The following CD99L2 variants were observed in gnomAD, a reference collection of about 807,000 sequenced individuals.
CD99L2 encodes CD99 antigen-like protein 2.
In CD99L2, 24 loss-of-function variants were observed where a neutral mutation model predicts 27.3. The ratio of observed to expected loss-of-function variants is 0.88; its 90% CI spans 0.64 to 1.24. The LOEUF (loss-of-function observed/expected upper bound fraction) is 1.24, where lower values mean the gene tolerates loss of function less well. Ranked by LOEUF, CD99L2 falls within the 50% of genes most tolerant of loss-of-function variation. The pLI is 0.00. For synonymous variants in CD99L2, 97 were observed against 87.9 expected (o/e 1.10, Z -0.58); for missense variants, 255 against 221.6 (o/e 1.15, Z -0.96).
rs144003017 is a variant in CD99L2 at position 150,890,913 on chromosome X, C to A, written c.67+7609G>T. ...TGCTCCAAAGCAGAAGTGCAGGCTC[C>A]CATCCCCTTGTAAAGCAGTTTGGAA... On this transcript the variant is annotated intron_variant, in intron 1 of 10. Coordinates refer to ENST00000370377, the MANE Select transcript of CD99L2 (RefSeq NM_031462.4). 7.6e-3 allele frequency among the ~76,000 whole-genome samples: 865 copies of A among 113,085 alleles called. 7 individuals are homozygous for A. The highest frequency in any genetic ancestry group is 0.026 in the African/African-American group (818 of 31,235).
Position 150,877,959 on chromosome X carries a change from T to TACACACACACACAC in CD99L2, c.67+20549_67+20562dup, listed in dbSNP as rs72172934. On this transcript the variant is annotated intron_variant, in intron 1 of 10. Transcript: ENST00000370377. ...AGAGTAAGACCTTATCTCAAACACATACACACACACACACACACACACACA... is the reference window on the plus strand; with the variant it reads ...AGAGTAAGACCTTATCTCAAACACATACACACACACACACACACACACACACACACACACACACA... Among the ~76,000 whole-genome samples, 103 of 83,070 alleles carry TACACACACACACAC rather than the reference T, an allele frequency of 1.2e-3. 4 individuals carry two copies. Among genetic ancestry groups the TACACACACACACAC allele is most frequent in the African/African-American group, 4.4e-3 (94 of 21,278 alleles). 72.1% of individuals were successfully genotyped at this position (83,070 alleles called of 115,157 possible). A position where few individuals can be genotyped will look rare whatever the true frequency, so the allele number is the denominator to read the frequency against.
At chrX:150,863,738 C>A (rs1372876026) in intron 1 of CD99L2, among the ~76,000 whole-genome samples, 1 of 112,293 alleles carries the variant, frequency 8.9e-6, no homozygotes, top group Non-Finnish European at 1.9e-5. Context: ...ATGATCTTTG[C>A]AGATATAGTC....
intron 1 of CD99L2, among the ~76,000 whole-genome samples, chrX:150,878,236 G>T (rs1382349424): frequency 1.8e-5 from 2 of 109,670 alleles, no homozygotes; most frequent in African/African-American, 3.3e-5. Context: ...TACTCAGGAG[G>T]CTGAGACAGG....
chrX:150,812,291 T>C (rs1357222759), intron 4 of CD99L2, among the ~76,000 whole-genome samples: 1 of 112,193 alleles, frequency 8.9e-6, no homozygotes, highest in Non-Finnish European at 1.9e-5. Context: ...GAAGAAAATA[T>C]TTGCAAACCA....
chrX:150,804,258 G>T (rs1190865720), intron 4 of CD99L2, among the ~76,000 whole-genome samples: 1 of 111,840 alleles, frequency 8.9e-6, no homozygotes, highest in Admixed American at 9.5e-5. Context: ...ACAGAGAATT[G>T]GAAAATTCAC....
intron 2 of CD99L2, chrX:150,819,318 A>T (rs781948474): frequency 4.1e-6 from 1 of 242,131 alleles, no homozygotes; most frequent in Non-Finnish European, 7.6e-6. Context: ...CCTCAATTCC[A>T]TTTGCTCTCA....
chrX:150,843,741 G>A (rs1236971589), intron 1 of CD99L2, among the ~76,000 whole-genome samples: 2 of 110,860 alleles, frequency 1.8e-5, no homozygotes, highest in East Asian at 2.8e-4. Context: ...ATCTTAGTCT[G>A]GTAAATCATA....
intron 1 of CD99L2, among the ~76,000 whole-genome samples, chrX:150,837,397 C>T (rs1247614609): frequency 9.0e-6 from 1 of 110,675 alleles, no homozygotes; most frequent in Non-Finnish European, 1.9e-5. Context: ...TTACAGGCAC[C>T]CGCCACCACA....
At chrX:150,808,597 T>C (rs782118629) in intron 4 of CD99L2, among the ~76,000 whole-genome samples, 6 of 112,354 alleles carry the variant, frequency 5.3e-5, no homozygotes, top group Non-Finnish European at 1.1e-4. Flanking sequence ...CTCATGAGCA[T>C]GGGAGGGACC....
intron 1 of CD99L2, among the ~76,000 whole-genome samples, chrX:150,837,513 G>T (rs1557421241): frequency 8.9e-6 from 1 of 112,016 alleles, no homozygotes; most frequent in African/African-American, 3.2e-5. Flanking sequence ...CTCCCAAAGT[G>T]CTGGGATTAC....
chrX:150,858,354 G>A (rs977039939), intron 1 of CD99L2, among the ~76,000 whole-genome samples: 3 of 112,575 alleles, frequency 2.7e-5, no homozygotes, highest in African/African-American at 9.7e-5. Flanking sequence ...CTGGACTTTA[G>A]ATCAGATGGA....
intron 9 of CD99L2, among the ~76,000 whole-genome samples, chrX:150,775,496 A>G (rs1405155471): frequency 4.4e-5 from 5 of 112,590 alleles, no homozygotes; most frequent in African/African-American, 1.6e-4. Context: ...CCATTAATCT[A>G]TGACTTCCAG....
intron 2 of CD99L2, among the ~76,000 whole-genome samples, chrX:150,824,266 AGG>A (rs2046302560): frequency 2.5e-5 from 1 of 40,094 alleles, no homozygotes; most frequent in African/African-American, 1.4e-4. Flanking sequence ...GGAAGAAGGA[AGG>A]AGGAGGAGGA....
chrX:150,811,835 G>A (rs2046076691), intron 4 of CD99L2, among the ~76,000 whole-genome samples: 1 of 111,851 alleles, frequency 8.9e-6, no homozygotes, highest in Non-Finnish European at 1.9e-5. Flanking sequence ...TAAAACCTAG[G>A]TATAGGCAAA....
intron 2 of CD99L2, among the ~76,000 whole-genome samples, chrX:150,824,659 A>AGAG (rs2046339116): frequency 3.2e-5 from 3 of 92,474 alleles, no homozygotes; most frequent in Non-Finnish European, 6.3e-5. Flanking sequence ...AAGAAGAAGA[A>AGAG]GAAGAAGAGG....
At chrX:150,857,477 AT>A (rs1425700429) in intron 1 of CD99L2, among the ~76,000 whole-genome samples, 1 of 111,103 alleles carries the variant, frequency 9.0e-6, no homozygotes, top group African/African-American at 3.3e-5. Flanking sequence ...AAAAAAAAAA[AT>A]CTGCCATCCA....
intron 1 of CD99L2, among the ~76,000 whole-genome samples, chrX:150,883,086 C>T (rs1458881625): frequency 2.7e-5 from 3 of 111,984 alleles, no homozygotes; most frequent in African/African-American, 9.7e-5. Flanking sequence ...AGGAAAATCA[C>T]TTGAAGCCGG....
At position 150,770,279 on chromosome X, in the gene CD99L2, G is replaced by C. The variant is rs202063844; in HGVS notation, c.721+25C>G. ...GGACCAACTAGGAAAGCGTCAGCAA[G>C]GGACAGTGAGTACAAAGTTCTCACC... On this transcript the variant is annotated intron_variant, in intron 10 of 10. Transcript: ENST00000370377. 1.3e-5 allele frequency: 16 copies of C among 1,196,247 alleles called. No homozygotes were observed. The Middle Eastern group carries it at 7.0e-4, about 52-fold the overall frequency.
intron 7 of CD99L2, among the ~76,000 whole-genome samples, chrX:150,781,317 G>C (rs144974889): frequency 1.8e-5 from 2 of 111,786 alleles, no homozygotes; most frequent in Non-Finnish European, 3.8e-5. Flanking sequence ...CATAGAAAAA[G>C]TACTCCGAGC....
Sources: gnomAD v4.1 joint callset for allele counts (sites outside exome capture counted in the v4.1 genomes callset) on GRCh38, gnomAD v4.1.1 for gene constraint, MANE v1.5 for transcripts, NCBI Gene and HGNC (gene_info 2026-07-23, HGNC 2026-07-21) for gene names.